The following ST6GAL1 variants were observed in gnomAD, a reference collection of about 807,000 sequenced individuals.
ST6GAL1 encodes the protein ST6 beta-galactoside alpha-2,6-sialyltransferase 1.
ST6GAL1 carries 20 observed loss-of-function variants against 38.0 expected under a neutral mutation model. The ratio of observed to expected loss-of-function variants is 0.53; its 90% CI spans 0.37 to 0.77. The LOEUF (loss-of-function observed/expected upper bound fraction) is 0.77. Among genes scored for constraint, ST6GAL1 ranks in the 30% least tolerant of loss-of-function variants. The pLI, the probability that ST6GAL1 is intolerant of heterozygous loss-of-function variation, is 0.00. For missense variants in ST6GAL1, 432 were observed against 496.4 expected, an observed-to-expected ratio of 0.87 and a Z score of 1.23; for synonymous variants, 196 against 188.2, an observed-to-expected ratio of 1.04 and a Z score of -0.34.
intron 1 of ST6GAL1, among the ~76,000 whole-genome samples, chr3:186,947,173 T>C (rs564826244): frequency 6.9e-4 from 105 of 152,270 alleles, no homozygotes; most frequent in African/African-American, 2.5e-3. Flanking sequence ...GCACACTAGA[T>C]ACTACACGTA....
intron 2 of ST6GAL1, among the ~76,000 whole-genome samples, chr3:186,979,827 C>G (rs557272526): frequency 6.6e-6 from 1 of 152,096 alleles, no homozygotes; most frequent in Admixed American, 6.6e-5. Context: ...ATCCTGGTCT[C>G]GGGCACTTTA....
At chr3:187,022,329 TAC>T (rs1717348596) in intron 2 of ST6GAL1, among the ~76,000 whole-genome samples, 1 of 151,928 alleles carries the variant, frequency 6.6e-6, no homozygotes, top group African/African-American at 2.4e-5. Flanking sequence ...GAAAGATGGC[TAC>T]AGAGAGTTTT....
At chr3:187,064,070 G>A (rs1373492224) in intron 5 of ST6GAL1, among the ~76,000 whole-genome samples, 1 of 152,082 alleles carries the variant, frequency 6.6e-6, no homozygotes, top group Non-Finnish European at 1.5e-5. Flanking sequence ...ATCCCAACAG[G>A]GAAGGTGAGT....
intron 2 of ST6GAL1, among the ~76,000 whole-genome samples, chr3:186,984,732 T>TTCCCTCCCTCCCTCCCTCCCTCCC (rs1715812814): frequency 9.8e-6 from 1 of 101,632 alleles, no homozygotes; most frequent in African/African-American, 3.5e-5. Flanking sequence ...CCTCCCTTCC[T>TTCCCTCCCTCCCTCCCTCCCTCCC]TCCTTCCTTC....
chr3:187,010,807 T>G (rs1028824942), intron 2 of ST6GAL1, among the ~76,000 whole-genome samples: 2 of 152,230 alleles, frequency 1.3e-5, no homozygotes, highest in Non-Finnish European at 2.9e-5. Context: ...TATCACCTTG[T>G]AATAGTCTTA....
intron 2 of ST6GAL1, among the ~76,000 whole-genome samples, chr3:186,966,475 A>C (rs999122255): frequency 1.3e-5 from 2 of 152,204 alleles, no homozygotes; most frequent in African/African-American, 4.8e-5. Flanking sequence ...ACAGCTTCTC[A>C]AAGCTAGTGA....
intron 2 of ST6GAL1, among the ~76,000 whole-genome samples, chr3:187,000,435 G>A (rs1030674523): frequency 2.9e-4 from 44 of 151,448 alleles, no homozygotes; most frequent in Non-Finnish European, 1.5e-5. Context: ...TGGTGGAGGT[G>A]CCCGTAATCC....
At chr3:186,987,321 C>CACAT (rs1365824355) in intron 2 of ST6GAL1, among the ~76,000 whole-genome samples, 2 of 152,126 alleles carry the variant, frequency 1.3e-5, no homozygotes, top group East Asian at 3.8e-4. Context: ...CTACGCTAGG[C>CACAT]ACATACATAC....
chr3:187,028,788 G>A (rs1311677850), intron 2 of ST6GAL1, among the ~76,000 whole-genome samples: 1 of 152,170 alleles, frequency 6.6e-6, no homozygotes, highest in Non-Finnish European at 1.5e-5. Flanking sequence ...CCCATAGGAA[G>A]TCCTACCTTC....
intron 2 of ST6GAL1, among the ~76,000 whole-genome samples, chr3:187,020,284 G>C (rs919671733): frequency 6.8e-6 from 1 of 146,958 alleles, no homozygotes; most frequent in Non-Finnish European, 1.5e-5. Flanking sequence ...AACAGAGCGA[G>C]ACTCTGTCTC....
At chr3:187,042,066 C>T (rs7613731) in intron 3 of ST6GAL1, 27,512 of 152,172 alleles carry the variant, frequency 0.18, 2,629 homozygotes, top group Admixed American at 0.28. Flanking sequence ...AGTCCAGCAT[C>T]GCAGCCCTTA....
At chr3:186,946,348 T>C (rs1171787742) in intron 1 of ST6GAL1, among the ~76,000 whole-genome samples, 4 of 151,918 alleles carry the variant, frequency 2.6e-5, no homozygotes, top group African/African-American at 9.7e-5. Flanking sequence ...AATAAAATAA[T>C]AAAATTAGCT....
intron 6 of ST6GAL1, 32 bp downstream of exon 6, chr3:187,072,979 A>G: frequency 6.5e-7 from 1 of 1,530,122 alleles, no homozygotes; most frequent in South Asian, 1.1e-5. Context: ...ATAGGGGTTG[A>G]GTTTCCTGTC....
chr3:187,033,118 T>C (rs569892111), intron 2 of ST6GAL1, among the ~76,000 whole-genome samples: 36 of 152,106 alleles, frequency 2.4e-4, no homozygotes, highest in Non-Finnish European at 4.6e-4. Flanking sequence ...ATAATAAAAA[T>C]AATAAAGGAA....
At chr3:186,945,419 C>T (rs909346096) in intron 1 of ST6GAL1, among the ~76,000 whole-genome samples, 1 of 152,118 alleles carries the variant, frequency 6.6e-6, no homozygotes, top group Non-Finnish European at 1.5e-5. Flanking sequence ...CATCCTCACA[C>T]TTGCAAGAAT....
intron 1 of ST6GAL1, among the ~76,000 whole-genome samples, chr3:186,932,160 G>C (rs998440965): frequency 6.6e-6 from 1 of 152,174 alleles, no homozygotes; most frequent in Non-Finnish European, 1.5e-5. Flanking sequence ...GAACTGGAGA[G>C]CCTCCAATCC....
At chr3:186,947,367 T>C (rs773770777) in intron 1 of ST6GAL1, among the ~76,000 whole-genome samples, 1 of 152,186 alleles carries the variant, frequency 6.6e-6, no homozygotes. Flanking sequence ...CAGAGGCGCA[T>C]GGTGGTGAGA....
chr3:187,010,257 C>CGTCTT (rs1560161460), intron 2 of ST6GAL1, among the ~76,000 whole-genome samples: 2 of 152,138 alleles, frequency 1.3e-5, no homozygotes, highest in Admixed American at 6.5e-5. Flanking sequence ...TCAGAGAAGA[C>CGTCTT]GTTCCATGTT....
At chr3:186,943,411 A>G (rs999514645) in intron 1 of ST6GAL1, among the ~76,000 whole-genome samples, 4 of 152,202 alleles carry the variant, frequency 2.6e-5, no homozygotes, top group African/African-American at 7.2e-5. Flanking sequence ...TAGAATTTTC[A>G]TAACACTGCA....
Sources: allele counts gnomAD v4.1 joint callset (sites outside exome capture counted in the v4.1 genomes callset), GRCh38; gene constraint gnomAD v4.1.1; transcripts MANE v1.5; gene names NCBI Gene and HGNC (gene_info 2026-07-23, HGNC 2026-07-21).